The following CEP43 variants were observed in gnomAD, a reference collection of about 807,000 sequenced individuals.
The protein encoded by CEP43 is centrosomal protein 43.
Under a neutral mutation model 52.6 loss-of-function variants are expected in CEP43, and 36 were observed. That is an observed-to-expected ratio of 0.68 (90% CI 0.52 to 0.90). The LOEUF is 0.90. Among genes scored for constraint, CEP43 ranks in the 40% least tolerant of loss-of-function variants. The probability of loss-of-function intolerance (pLI) is 0.00; values close to 1 mark genes in which losing one functional copy is unlikely to be tolerated. For missense variants in CEP43, 506 were observed against 472.8 expected (o/e 1.07, Z -0.65); for synonymous variants, 192 against 172.4 (o/e 1.11, Z -0.89).
rs562197319 is a variant in CEP43 at position 167,027,704 on chromosome 6, A to G, written c.988+1089A>G. ...GCGTAGGGAGATAAACTAAACTGCTATTTCCTCATCTGTTAAGTGGAACTA... is the reference window on the plus strand; with the variant it reads ...GCGTAGGGAGATAAACTAAACTGCTGTTTCCTCATCTGTTAAGTGGAACTA... On this transcript the variant is annotated intron_variant, in intron 10 of 12. Transcript: ENST00000366847. Among the ~76,000 whole-genome samples, 6 of 152,262 alleles carry G rather than the reference A, an allele frequency of 3.9e-5. No homozygotes were observed. In the East Asian group the frequency reaches 1.2e-3, roughly 29 times the overall value.
rs1373086120 is a variant in CEP43, at chr6:167,040,502, C to CT, written c.*527dup. On this transcript the variant is annotated 3_prime_UTR_variant, in exon 13 of 13. Coordinates refer to ENST00000366847, the MANE Select transcript of CEP43 (RefSeq NM_007045.4). Reference sequence around the variant, plus strand: ...GTATAAGTTAAATTTGATGTGTCAACTTTATTTTGTATTTCCTTCCATTTG... The same window carrying CT: ...GTATAAGTTAAATTTGATGTGTCAACTTTTATTTTGTATTTCCTTCCATTTG... 7.1e-6 allele frequency: 8 copies of CT among 1,128,206 alleles called. No homozygotes were observed. The African/African-American group carries it at 1.3e-4, about 18-fold the overall frequency. 69.9% of individuals were successfully genotyped at this position (1,128,206 alleles called of 1,614,324 possible). A position where few individuals can be genotyped will look rare whatever the true frequency, so the allele number is the denominator to read the frequency against.
Position 167,041,730 on chromosome 6 carries a change from G to A in CEP43, c.*1752G>A, listed in dbSNP as rs1010244404. The A allele has an allele frequency of 2.0e-6, 2 of 1,021,578 alleles. No individual in the cohort carries two copies. Among genetic ancestry groups the A allele is most frequent in the Admixed American group, 5.9e-5 (1 of 16,938 alleles). The allele number at this position is 1,021,578 out of a possible 1,614,324, so 63.3% of individuals were successfully genotyped here. A position where few individuals can be genotyped will look rare whatever the true frequency, so the allele number is the denominator to read the frequency against. On this transcript the variant is annotated 3_prime_UTR_variant, in exon 13 of 13. Coordinates refer to ENST00000366847, the MANE Select transcript of CEP43 (RefSeq NM_007045.4). Reference sequence around the variant, plus strand: ...AGCAACTGAAATTTGTCACTTTTCTGTTACGCAGAGAATCAGACCTTTTGA... The same window carrying A: ...AGCAACTGAAATTTGTCACTTTTCTATTACGCAGAGAATCAGACCTTTTGA...
chr6:167,012,911 C>G (rs1288184336), intron 6 of CEP43, among the ~76,000 whole-genome samples: 2 of 152,186 alleles, frequency 1.3e-5, no homozygotes, highest in African/African-American at 4.8e-5. Context: ...CAGAAATACC[C>G]TAGATAGTCC....
chr6:167,009,502 A>G, intron 5 of CEP43, among the ~76,000 whole-genome samples: 1 of 9,242 alleles, frequency 1.1e-4, no homozygotes, highest in Non-Finnish European at 3.3e-4. Flanking sequence ...TCTGTCTCAA[A>G]AAAAAAAAAA....
At chr6:167,020,022 A>C (rs1348710796) in intron 7 of CEP43, among the ~76,000 whole-genome samples, 8 of 152,224 alleles carry the variant, frequency 5.3e-5, no homozygotes, top group Non-Finnish European at 1.2e-4. Context: ...ACATCAGGGT[A>C]TTTATTTCCA....
Position 167,031,955 on chromosome 6 carries a change from G to T in CEP43, c.989-648G>T, listed in dbSNP as rs1321985303. 2.6e-5 allele frequency among the ~76,000 whole-genome samples: 4 copies of T among 152,328 alleles called. No individual in the cohort carries two copies. In the South Asian group the frequency reaches 6.2e-4, roughly 24 times the overall value. ...CTATTCACCATCCCACCTTCATTCA[G>T]TTGCCTTTTATTAAGATCTTACTGT... On this transcript the variant is annotated intron_variant, in intron 10 of 12. Coordinates refer to ENST00000366847, the MANE Select transcript of CEP43 (RefSeq NM_007045.4).
intron 6 of CEP43, among the ~76,000 whole-genome samples, chr6:167,011,874 C>T (rs190050779): frequency 1.1e-4 from 16 of 152,306 alleles, no homozygotes; most frequent in Non-Finnish European, 1.9e-4. Flanking sequence ...GCTCACCCCG[C>T]AAAGGCTCCA....
intron 7 of CEP43, among the ~76,000 whole-genome samples, chr6:167,014,692 T>C (rs892309986): frequency 6.6e-6 from 1 of 152,224 alleles, no homozygotes; most frequent in African/African-American, 2.4e-5. Context: ...CTCTTTCTGT[T>C]CACACTGTTC....
chr6:167,017,295 A>T (rs2128662158), intron 7 of CEP43, among the ~76,000 whole-genome samples: 1 of 152,260 alleles, frequency 6.6e-6, no homozygotes. Context: ...GCGCCTGGCC[A>T]ATAATGATAC....
Position 167,042,327 on chromosome 6 carries a change from G to A in CEP43, c.*2349G>A. 6 of 984,114 alleles carry A rather than the reference G, an allele frequency of 6.1e-6. No homozygotes were observed. Among genetic ancestry groups the A allele is most frequent in the Non-Finnish European group, 6.1e-6 (5 of 821,886 alleles). 61.0% of individuals were successfully genotyped at this position (984,114 alleles called of 1,614,324 possible). ...TAAATACATTTTTATGGTAACCTAT[G>A]TTTTACAGTGGAGTTTTAAAAATGC... On this transcript the variant is annotated 3_prime_UTR_variant, in exon 13 of 13. Coordinates refer to ENST00000366847, the MANE Select transcript of CEP43 (RefSeq NM_007045.4).
At chr6:167,032,817 G>C (rs370340366) in intron 11 of CEP43, among the ~76,000 whole-genome samples, 175 bp downstream of exon 11, 1 of 152,154 alleles carries the variant, frequency 6.6e-6, no homozygotes, top group East Asian at 1.9e-4. Context: ...TTTGATTTTA[G>C]AGCATGTTTT....
chr6:167,024,142 C>T (rs527357134), intron 8 of CEP43, among the ~76,000 whole-genome samples: 9 of 152,134 alleles, frequency 5.9e-5, no homozygotes, highest in African/African-American at 1.4e-4. Context: ...AAGTGGAGAG[C>T]GTGTGGGTCT....
intron 6 of CEP43, among the ~76,000 whole-genome samples, chr6:167,011,408 C>T (rs1175472658): frequency 6.6e-6 from 1 of 151,862 alleles, no homozygotes; most frequent in Non-Finnish European, 1.5e-5. Context: ...ATGTGTGCGT[C>T]TGTTTGTGTG....
At chr6:167,028,730 G>A (rs111314027) in intron 10 of CEP43, among the ~76,000 whole-genome samples, 52 of 152,204 alleles carry the variant, frequency 3.4e-4, no homozygotes, top group African/African-American at 1.2e-3. Context: ...TAAGTAACTT[G>A]CCCAAGGTCA....
rs74614155 is a variant in CEP43 at position 167,003,743 on chromosome 6, G to A, written c.232G>A (p.Val78Ile). 1 of 1,610,388 alleles carries A rather than the reference G, an allele frequency of 6.2e-7. No homozygotes were observed. Among genetic ancestry groups the A allele is most frequent in the Non-Finnish European group, 8.5e-7 (1 of 1,177,688 alleles). The change falls in exon 4 of 13, where the codon GTT (valine) becomes ATT (isoleucine). Residue 78 changes from valine (V) to isoleucine (I), a missense_variant. Transcript: ENST00000366847. ...TKDGRLVASLVAEFLQFFNLD... is the reference protein window; with the variant it reads ...TKDGRLVASLIAEFLQFFNLD... The stretch of plus-strand genomic sequence containing the variant: ...TATAGGTCGTTTAGTGGCTAGTCTT[G>A]TTGCAGAATTTCTTCAGTTTTTTAA...
intron 7 of CEP43, among the ~76,000 whole-genome samples, chr6:167,020,706 C>T (rs1175831706): frequency 6.6e-6 from 1 of 151,988 alleles, no homozygotes; most frequent in African/African-American, 2.4e-5. Flanking sequence ...GTCAGAAGTT[C>T]GAGACCAGCG....
intron 7 of CEP43, among the ~76,000 whole-genome samples, chr6:167,021,209 A>G (rs1474429878): frequency 6.6e-6 from 1 of 152,182 alleles, no homozygotes; most frequent in Non-Finnish European, 1.5e-5. Context: ...GCAAGGCTGA[A>G]TTTTGGGAAA....
rs368396376 is a variant in CEP43 at position 167,040,031 on chromosome 6, A to ATTT, written c.*63_*65dup. ...CAAGGACAGAGGACTGACCGGTTCC[A>ATTT]TTTTTTTTTTTTCCAGACAATCACT... On this transcript the variant is annotated 3_prime_UTR_variant, in exon 13 of 13. Transcript: ENST00000366847. 7.0e-5 allele frequency: 100 copies of ATTT among 1,419,574 alleles called. No homozygotes were observed. The highest frequency in any genetic ancestry group is 4.0e-4 in the Admixed American group (21 of 52,878). The allele number at this position is 1,419,574 out of a possible 1,614,324, so 87.9% of individuals were successfully genotyped here.
intron 5 of CEP43, among the ~76,000 whole-genome samples, chr6:167,006,696 A>G (rs1045953110): frequency 1.2e-4 from 18 of 152,216 alleles, no homozygotes; most frequent in African/African-American, 3.9e-4. Flanking sequence ...TTTGGTGTCC[A>G]CAGGAGAGTC....
Sources: gnomAD v4.1 joint callset for allele counts (sites outside exome capture counted in the v4.1 genomes callset) on GRCh38, gnomAD v4.1.1 for gene constraint, MANE v1.5 for transcripts, NCBI Gene and HGNC (gene_info 2026-07-23, HGNC 2026-07-21) for gene names.